NUP98: variants seen among roughly 807,000 people sequenced by gnomAD.
NUP98 encodes nuclear pore complex protein Nup98-Nup96.
Under a neutral mutation model 191.9 loss-of-function variants are expected in NUP98, and 26 were observed. That is an observed-to-expected ratio of 0.14 (90% CI 0.10 to 0.19). The LOEUF (loss-of-function observed/expected upper bound fraction) is 0.19. NUP98 is among the 10% of genes least tolerant of loss of function. The pLI is 1.00. For missense variants in NUP98, 1,941 were observed against 2,178.8 expected (o/e 0.89, Z 2.17); for synonymous variants, 808 against 778.4 (o/e 1.04, Z -0.63).
intron 1 of NUP98, among the ~76,000 whole-genome samples, chr11:3,788,298 A>C (rs1460129331): frequency 6.6e-6 from 1 of 152,178 alleles, no homozygotes; most frequent in Non-Finnish European, 1.5e-5. Flanking sequence ...GGTGTGAGAC[A>C]TCTGTATTTA....
intron 14 of NUP98, among the ~76,000 whole-genome samples, chr11:3,728,980 A>G (rs2079728155): frequency 6.6e-6 from 1 of 152,184 alleles, no homozygotes; most frequent in Admixed American, 6.6e-5. Context: ...GAATGATAGT[A>G]ATGCAATCAT....
intron 10 of NUP98, 102 bp from the exon 11 acceptor site, chr11:3,753,510 C>A: frequency 1.2e-6 from 1 of 841,286 alleles, no homozygotes; most frequent in Non-Finnish European, 1.9e-6. Flanking sequence ...AGTTGTGAAC[C>A]TTTCAGTTAA....
intron 1 of NUP98, among the ~76,000 whole-genome samples, chr11:3,788,778 C>G (rs61896917): frequency 0.051 from 7,710 of 151,940 alleles, 256 homozygotes; most frequent in Middle Eastern, 0.099. Context: ...GAAACCCCGT[C>G]TCTACTAAAA....
rs1162535351 is a variant in NUP98 at position 3,746,702 on chromosome 11, C to A, written c.1268-2053G>T. On this transcript the variant is annotated intron_variant, in intron 11 of 32. Transcript: ENST00000324932. The stretch of plus-strand genomic sequence containing the variant: ...CCGAGGAGGGCAGATCACCTGAGGT[C>A]AGGAGTTCGAGACCAGCCTGACAAA... 2.0e-5 allele frequency among the ~76,000 whole-genome samples: 3 copies of A among 151,700 alleles called. 1 individual carries two copies. The highest frequency in any genetic ancestry group is 7.3e-5 in the African/African-American group (3 of 41,086).
At chr11:3,795,154 G>C (rs377496209) in intron 1 of NUP98, among the ~76,000 whole-genome samples, 16 of 152,092 alleles carry the variant, frequency 1.1e-4, no homozygotes, top group Non-Finnish European at 5.9e-5. Flanking sequence ...ATAAAGTCAG[G>C]TACTGGCTGG....
rs959876321 is a variant in NUP98, at chr11:3,688,682, C to A, written c.4455-2488G>T. On this transcript the variant is annotated intron_variant, in intron 28 of 32. Coordinates refer to ENST00000324932, the MANE Select transcript of NUP98 (RefSeq NM_016320.5). The stretch of plus-strand genomic sequence containing the variant: ...TTGTGGCGCATGCCTGTAACCCCAG[C>A]TACTCAGGAGGCTGAGGCAGGAGAA... Among the ~76,000 whole-genome samples the A allele has an allele frequency of 2.0e-5, 3 of 150,598 alleles. No individual in the cohort carries two copies. The East Asian group carries it at 5.9e-4, about 29-fold the overall frequency.
intron 25 of NUP98, 155 bp downstream of exon 25, chr11:3,698,927 C>T: frequency 1.3e-6 from 1 of 791,292 alleles, no homozygotes; most frequent in South Asian, 1.7e-5. Context: ...TGTTATATTA[C>T]ATATTCCACG....
chr11:3,762,429 A>C (rs1234098264), intron 9 of NUP98, among the ~76,000 whole-genome samples: 1 of 151,666 alleles, frequency 6.6e-6, no homozygotes, highest in Non-Finnish European at 1.5e-5. Flanking sequence ...GCTCTTTTTT[A>C]ATTTTTTTAA....
chr11:3,753,755 CAAAAAAAAAAAAAAAAAAA>C (rs58867754), intron 10 of NUP98, among the ~76,000 whole-genome samples: 25 of 10,172 alleles, frequency 2.5e-3, no homozygotes, highest in South Asian at 0.017. Flanking sequence ...TATAAAAATA[CAAAAAAAAAAAAAAAAAAA>C]AAAAAAAAAA....
chr11:3,755,980 G>A (rs1017625680), intron 10 of NUP98, among the ~76,000 whole-genome samples: 5 of 152,016 alleles, frequency 3.3e-5, no homozygotes, highest in Non-Finnish European at 7.4e-5. Flanking sequence ...ATAAATACAT[G>A]AAATAAAATC....
chr11:3,702,957 C>G, intron 22 of NUP98, 65 bp from the exon 23 acceptor site: 2 of 1,331,924 alleles, frequency 1.5e-6, no homozygotes, highest in Non-Finnish European at 2.1e-6. Context: ...GTTTCTTGAA[C>G]AATAACAAAA....
rs2080450718 is a variant in NUP98 at position 3,745,341 on chromosome 11, T to C, written c.1268-692A>G. ...ACTGGTTTATCTAGACAAACTTGTTTTACAAAAAGCTCAACGTCTTCTGGT... is the reference window on the plus strand; with the variant it reads ...ACTGGTTTATCTAGACAAACTTGTTCTACAAAAAGCTCAACGTCTTCTGGT... On this transcript the variant is annotated intron_variant, in intron 11 of 32. Coordinates refer to ENST00000324932, the MANE Select transcript of NUP98 (RefSeq NM_016320.5). Among the ~76,000 whole-genome samples the C allele has an allele frequency of 2.0e-5, 3 of 152,172 alleles. No individual in the cohort carries two copies. In the South Asian group the frequency reaches 6.2e-4, roughly 31 times the overall value.
chr11:3,679,339 C>T, intron 31 of NUP98: 1 of 660,062 alleles, frequency 1.5e-6, no homozygotes, highest in East Asian at 3.0e-5. Context: ...GTCTATTGCA[C>T]ATACTAGTTG....
rs778258266 is a variant in NUP98, at chr11:3,775,770, G to A, written c.495+112C>T. ...TTATAGATTTTGTTTTTAACACATCGTTCAGGCAGTGTCAAGCTAAGCTGG... is the reference window on the plus strand; with the variant it reads ...TTATAGATTTTGTTTTTAACACATCATTCAGGCAGTGTCAAGCTAAGCTGG... On this transcript the variant is annotated intron_variant, in intron 5 of 32. Coordinates refer to ENST00000324932, the MANE Select transcript of NUP98 (RefSeq NM_016320.5). The A allele has an allele frequency of 2.5e-4, 236 of 961,496 alleles. 1 individual carries two copies. The Middle Eastern group carries it at 9.7e-3, about 40-fold the overall frequency. The allele number at this position is 961,496 out of a possible 1,614,324, so 59.6% of individuals were successfully genotyped here.
At position 3,675,104 on chromosome 11, in the gene NUP98, ATTT is replaced by A; in HGVS notation, c.*1052_*1054del. On this transcript the variant is annotated 3_prime_UTR_variant, in exon 33 of 33. Transcript: ENST00000324932. ...AGATCATTTATTTATACATATATAT[ATTT>A]TTTAATAAAAACCTTTACATTATCT... 5.5e-6 allele frequency: 1 copy of A among 182,610 alleles called. No individual in the cohort carries two copies. The highest frequency in any genetic ancestry group is 8.9e-5 in the East Asian group (1 of 11,184). 11.3% of individuals were successfully genotyped at this position (182,610 alleles called of 1,614,324 possible). A position where few individuals can be genotyped will look rare whatever the true frequency, so the allele number is the denominator to read the frequency against.
chr11:3,796,501 A>G (rs1165308582), intron 1 of NUP98, among the ~76,000 whole-genome samples: 1 of 152,260 alleles, frequency 6.6e-6, no homozygotes, highest in Non-Finnish European at 1.5e-5. Context: ...CTCAAGCTCT[A>G]GGTTAGGGTA....
intron 12 of NUP98, among the ~76,000 whole-genome samples, chr11:3,737,759 T>C (rs2080124271): frequency 1.3e-5 from 2 of 152,142 alleles, no homozygotes; most frequent in Admixed American, 6.5e-5. Flanking sequence ...GATATTTAAC[T>C]AGACAGGACA....
At position 3,779,235 on chromosome 11, in the gene NUP98, A is replaced by G; in HGVS notation, c.99T>C (p.Ser33=). The change falls in exon 3 of 33, where the codon AGT becomes AGC. Residue 33 remains serine, a synonymous_variant. Transcript: ENST00000324932. Reference sequence around the variant, plus strand: ...ATGCAGATGTTCCAAATGCCCCTCCACTAGTAGTGCCAAAGCCAGTATCTG... The same window carrying G: ...ATGCAGATGTTCCAAATGCCCCTCCGCTAGTAGTGCCAAAGCCAGTATCTG... ...FGQNTGFGTT[S]GGAFGTSAFG... The G allele has an allele frequency of 6.2e-7, 1 of 1,614,126 alleles. No individual in the cohort carries two copies. The highest frequency in any genetic ancestry group is 8.5e-7 in the Non-Finnish European group (1 of 1,179,956).
chr11:3,752,503 T>G (rs2080799592), intron 11 of NUP98, among the ~76,000 whole-genome samples: 1 of 148,986 alleles, frequency 6.7e-6, no homozygotes, highest in Admixed American at 6.7e-5. Flanking sequence ...AACGACAGAG[T>G]GAGACTCCAT....
Sources: gnomAD v4.1 joint callset for allele counts (sites outside exome capture counted in the v4.1 genomes callset) on GRCh38, gnomAD v4.1.1 for gene constraint, MANE v1.5 for transcripts, NCBI Gene and HGNC (gene_info 2026-07-23, HGNC 2026-07-21) for gene names.